RFX3: variants seen among roughly 807,000 people sequenced by gnomAD.
The protein encoded by RFX3 is regulatory factor X3, also known as transcription factor RFX3.
A neutral mutation model predicts 98.6 loss-of-function variants in RFX3; 14 were observed. The observed-to-expected ratio is 0.14, with a 90% confidence interval of 0.09 to 0.22. The LOEUF is 0.22. Among genes scored for constraint, RFX3 ranks in the 10% least tolerant of loss-of-function variants. The probability of loss-of-function intolerance (pLI) is 1.00; values close to 1 mark genes in which losing one functional copy is unlikely to be tolerated. For synonymous variants in RFX3, 383 were observed against 328.4 expected, an observed-to-expected ratio of 1.17 and a Z score of -1.80; for missense variants, 639 against 926.9, an observed-to-expected ratio of 0.69 and a Z score of 4.03.
chr9:3,238,514 G>C (rs1464196424), intron 15 of RFX3, among the ~76,000 whole-genome samples: 1 of 152,202 alleles, frequency 6.6e-6, no homozygotes, highest in Admixed American at 6.5e-5. Context: ...CCTAACCCGA[G>C]TGTTTCTCTC....
chr9:3,316,170 A>G (rs1298033563), intron 4 of RFX3, among the ~76,000 whole-genome samples: 1 of 152,226 alleles, frequency 6.6e-6, no homozygotes, highest in African/African-American at 2.4e-5. Flanking sequence ...CTAAAACCCT[A>G]TCTACCACTA....
At chr9:3,472,069 T>C (rs1453370680) in intron 1 of RFX3, among the ~76,000 whole-genome samples, 1 of 152,220 alleles carries the variant, frequency 6.6e-6, no homozygotes, top group Non-Finnish European at 1.5e-5. Flanking sequence ...GCAGGCAATT[T>C]ATTTTGAGCC....
At chr9:3,352,433 AT>A (rs996809492) in intron 2 of RFX3, among the ~76,000 whole-genome samples, 7 of 152,060 alleles carry the variant, frequency 4.6e-5, no homozygotes, top group African/African-American at 1.4e-4. Context: ...TTGCTCTTAG[AT>A]TTTTTTAAGT....
chr9:3,423,412 T>G (rs534560956), intron 1 of RFX3, among the ~76,000 whole-genome samples: 2 of 152,184 alleles, frequency 1.3e-5, no homozygotes, highest in Non-Finnish European at 2.9e-5. Flanking sequence ...GGACAAACTG[T>G]AGTATACTCC....
intron 1 of RFX3, among the ~76,000 whole-genome samples, chr9:3,398,091 C>T (rs1463193175): frequency 6.6e-6 from 1 of 152,114 alleles, no homozygotes; most frequent in Non-Finnish European, 1.5e-5. Context: ...TGTGAAATCT[C>T]ACAAATGGTG....
chr9:3,273,372 TTATAA>T (rs577081499), intron 9 of RFX3, among the ~76,000 whole-genome samples: 4 of 152,156 alleles, frequency 2.6e-5, no homozygotes, highest in South Asian at 4.1e-4. Flanking sequence ...TCCACACAGA[TTATAA>T]TATATGTCCC....
chr9:3,437,255 T>C (rs547795928), intron 1 of RFX3, among the ~76,000 whole-genome samples: 5 of 152,046 alleles, frequency 3.3e-5, no homozygotes, highest in Non-Finnish European at 5.9e-5. Flanking sequence ...GACTAGACTA[T>C]AGGCTCCACT....
At chr9:3,436,463 T>A (rs1845131819) in intron 1 of RFX3, among the ~76,000 whole-genome samples, 1 of 152,190 alleles carries the variant, frequency 6.6e-6, no homozygotes, top group South Asian at 2.1e-4. Flanking sequence ...AAGCATTATA[T>A]TTTTAGTAAA....
intron 1 of RFX3, among the ~76,000 whole-genome samples, chr9:3,507,627 A>G (rs868391655): frequency 2.0e-5 from 3 of 152,030 alleles, no homozygotes; most frequent in Non-Finnish European, 2.9e-5. Context: ...CAGGACCTCC[A>G]TCTTAAAAAA....
chr9:3,410,100 T>C (rs929763248), intron 1 of RFX3, among the ~76,000 whole-genome samples: 1 of 151,536 alleles, frequency 6.6e-6, no homozygotes, highest in African/African-American at 2.4e-5. Context: ...TTTCCAAGTC[T>C]CTTTCTCACA....
chr9:3,290,212 A>C (rs545790620), intron 6 of RFX3, among the ~76,000 whole-genome samples: 1 of 152,232 alleles, frequency 6.6e-6, no homozygotes, highest in South Asian at 2.1e-4. Context: ...AAAAAAAAAA[A>C]AACAGGAGAC....
At chr9:3,505,046 TATTA>T (rs1816787209) in intron 1 of RFX3, among the ~76,000 whole-genome samples, 1 of 90,934 alleles carries the variant, frequency 1.1e-5, no homozygotes, top group African/African-American at 4.5e-5. Flanking sequence ...ATATATTTTA[TATTA>T]TATATAAAAT....
At chr9:3,501,581 G>C (rs1301273824) in intron 1 of RFX3, among the ~76,000 whole-genome samples, 2 of 122,442 alleles carry the variant, frequency 1.6e-5, no homozygotes, top group East Asian at 4.8e-4. Flanking sequence ...TTTTGAGATA[G>C]AGTCTCACTC....
chr9:3,271,852 G>A (rs936894251), intron 9 of RFX3, among the ~76,000 whole-genome samples: 1 of 152,160 alleles, frequency 6.6e-6, no homozygotes, highest in Admixed American at 6.6e-5. Context: ...GGAGTCAGCA[G>A]GCCTTCAGTG....
chr9:3,409,483 TTAA>T (rs1225662780), intron 1 of RFX3, among the ~76,000 whole-genome samples: 1 of 152,208 alleles, frequency 6.6e-6, no homozygotes, highest in African/African-American at 2.4e-5. Flanking sequence ...AAATTAAAAC[TTAA>T]TAATTACTTC....
intron 3 of RFX3, among the ~76,000 whole-genome samples, chr9:3,336,569 A>C (rs1217467236): frequency 1.3e-5 from 2 of 152,178 alleles, no homozygotes; most frequent in Non-Finnish European, 2.9e-5. Context: ...TTTTAGGAAG[A>C]CAGTACAAAA....
chr9:3,340,710 T>C lies in RFX3; in HGVS notation c.215+5957A>G, dbSNP rs553592209. Among the ~76,000 whole-genome samples, 5 of 152,278 alleles carry C rather than the reference T, an allele frequency of 3.3e-5. No homozygotes were observed. The South Asian group carries it at 1.0e-3, about 32-fold the overall frequency. The stretch of plus-strand genomic sequence containing the variant: ...AAATCAAAACCACAATGAGATACCA[T>C]CTCACACCAGTTAGAATGGCAATCC... On this transcript the variant is annotated intron_variant, in intron 3 of 16. Transcript: ENST00000617270.
intron 4 of RFX3, among the ~76,000 whole-genome samples, chr9:3,312,868 A>G (rs1830127700): frequency 6.6e-6 from 1 of 152,214 alleles, no homozygotes; most frequent in Admixed American, 6.5e-5. Flanking sequence ...GCGGCCTGGA[A>G]GCTCCAACTT....
chr9:3,290,494 T>C (rs1056734928), intron 6 of RFX3, among the ~76,000 whole-genome samples: 7 of 152,116 alleles, frequency 4.6e-5, no homozygotes, highest in Non-Finnish European at 1.0e-4. Flanking sequence ...TTTCAAAATA[T>C]TGGCACGGTA....
Sources: gnomAD v4.1 joint callset for allele counts (sites outside exome capture counted in the v4.1 genomes callset) on GRCh38, gnomAD v4.1.1 for gene constraint, MANE v1.5 for transcripts, NCBI Gene and HGNC (gene_info 2026-07-23, HGNC 2026-07-21) for gene names.